Variants in SYNJ2 observed in about 807,000 individuals in gnomAD.
SYNJ2 encodes the protein polyphosphatidylinositol phosphatase SYNJ2.
Under a neutral mutation model 141.3 loss-of-function variants are expected in SYNJ2, and 116 were observed. The ratio of observed to expected loss-of-function variants is 0.82; its 90% confidence interval spans 0.71 to 0.96. The LOEUF (loss-of-function observed/expected upper bound fraction) is 0.96, where lower values mean the gene tolerates loss of function less well. SYNJ2 is among the 40% of genes least tolerant of loss of function. SYNJ2 has a pLI of 0.00. For synonymous variants in SYNJ2, 745 were observed against 777.7 expected, an observed-to-expected ratio of 0.96 and a Z score of 0.70; for missense variants, 1,873 against 1,934.8, an observed-to-expected ratio of 0.97 and a Z score of 0.60.
At chr6:158,029,992 C>G (rs1011331313) in intron 3 of SYNJ2, among the ~76,000 whole-genome samples, 1 of 152,000 alleles carries the variant, frequency 6.6e-6, no homozygotes, top group Non-Finnish European at 1.5e-5. Flanking sequence ...TAAACCAGTC[C>G]CATCAATGGG....
Position 157,982,176 on chromosome 6 carries a change from A to T in SYNJ2, c.127+88A>T. ...GGAAGACGGGTACCCCCCCTTCCCG[A>T]GGGGATCGGGCGGCGCTGGGACTGC... On this transcript the variant is annotated intron_variant, in intron 1 of 26. Transcript: ENST00000355585. This position sits in a 1 kb window ranked among gnomAD's most constrained non-coding sequence, Gnocchi z 4.0. 8.0e-7 allele frequency: 1 copy of T among 1,244,526 alleles called. No individual in the cohort carries two copies. The highest frequency in any genetic ancestry group is 1.0e-6 in the Non-Finnish European group (1 of 992,994). 77.1% of individuals were successfully genotyped at this position (1,244,526 alleles called of 1,614,324 possible). A position where few individuals can be genotyped will look rare whatever the true frequency, so the allele number is the denominator to read the frequency against.
intron 17 of SYNJ2, 51 bp from the exon 18 acceptor site, chr6:158,078,113 G>C (rs1387138212): frequency 8.2e-7 from 1 of 1,214,658 alleles, no homozygotes; most frequent in African/African-American, 1.5e-5. Context: ...CGCATTCTTG[G>C]ATATTGACTC....
intron 5 of SYNJ2, among the ~76,000 whole-genome samples, chr6:158,048,181 G>A (rs1780361189): frequency 6.6e-6 from 1 of 152,206 alleles, no homozygotes. Flanking sequence ...GGGCAGTGTT[G>A]TGTGGACAGA....
rs542134905 is a variant in SYNJ2, at chr6:157,997,090, C to T, written c.127+15002C>T. ...TCCTGACCTCTGTGGCTGGAATACCCTGCAGCCCCCACACACCAACTGTCT... is the reference window on the plus strand; with the variant it reads ...TCCTGACCTCTGTGGCTGGAATACCTTGCAGCCCCCACACACCAACTGTCT... On this transcript the variant is annotated intron_variant, in intron 1 of 26. Transcript: ENST00000355585. 8.1e-5 allele frequency among the ~76,000 whole-genome samples: 12 copies of T among 148,678 alleles called. No individual in the cohort carries two copies. The South Asian group carries it at 2.2e-3, about 28-fold the overall frequency.
intron 1 of SYNJ2, among the ~76,000 whole-genome samples, chr6:157,996,157 C>T (rs1323832774): frequency 6.6e-6 from 1 of 152,158 alleles, no homozygotes; most frequent in East Asian, 1.9e-4. Flanking sequence ...CTTCATTCTC[C>T]CATTTTGGTT....
chr6:158,066,348 A>G, intron 11 of SYNJ2, 96 bp from the exon 12 acceptor site: 1 of 1,409,630 alleles, frequency 7.1e-7, no homozygotes, highest in Non-Finnish European at 9.9e-7. Context: ...AGGCTCATGA[A>G]CCATCTGTCT....
At chr6:158,001,956 T>C (rs1777880106) in intron 1 of SYNJ2, among the ~76,000 whole-genome samples, 1 of 152,104 alleles carries the variant, frequency 6.6e-6, no homozygotes, top group African/African-American at 2.4e-5. Flanking sequence ...TGTGACGAGG[T>C]TGTCTACACA....
intron 24 of SYNJ2, 60 bp downstream of exon 24, chr6:158,088,832 C>T: frequency 8.3e-7 from 1 of 1,203,254 alleles, no homozygotes; most frequent in South Asian, 1.2e-5. Context: ...AGTGTGGGAT[C>T]TCTCTTCTCA....
rs140731520 is a variant in SYNJ2, at chr6:158,071,726, G to C, written c.2065G>C (p.Gly689Arg). The C allele has an allele frequency of 6.2e-7, 1 of 1,614,016 alleles. No homozygotes were observed. Among genetic ancestry groups the C allele is most frequent in the Non-Finnish European group, 8.5e-7 (1 of 1,180,024 alleles). The change falls in exon 15 of 27, where the codon GGG becomes CGG. Residue 689 changes from glycine (G) to arginine (R), a missense_variant. Transcript: ENST00000355585. The surrounding 1 kb of genome is among the most constrained non-coding windows in gnomAD (Gnocchi z 4.3). ...CTTCATATGTAGTCACCTGACGGCCGGGCAGTCCCAGGTGAAGGAGCGGAA... is the reference window on the plus strand; with the variant it reads ...CTTCATATGTAGTCACCTGACGGCCCGGCAGTCCCAGGTGAAGGAGCGGAA... ...FCFICSHLTA[G>R]QSQVKERNED...
chr6:158,021,222 T>G (rs1335167360), intron 2 of SYNJ2, among the ~76,000 whole-genome samples: 1 of 152,212 alleles, frequency 6.6e-6, no homozygotes, highest in African/African-American at 2.4e-5. Context: ...AGTTGTGCAG[T>G]ACGCAACCTG....
Position 158,076,790 on chromosome 6 carries a change from G to A in SYNJ2, c.2449+8G>A. On this transcript the variant is annotated splice_region_variant and intron_variant, in intron 17 of 26. Coordinates refer to ENST00000355585, the MANE Select transcript of SYNJ2 (RefSeq NM_003898.4). ...ATCCCTTTGATAAAACAGGTGAGGG[G>A]GCCGTGCCCGTTCGAGAGTCGGCAG... is the stretch of plus-strand genomic sequence containing the variant. 1.2e-6 allele frequency: 2 copies of A among 1,602,560 alleles called. No homozygotes were observed. Among genetic ancestry groups the A allele is most frequent in the Non-Finnish European group, 1.7e-6 (2 of 1,172,950 alleles).
chr6:158,012,591 C>T (rs546077970), intron 1 of SYNJ2, among the ~76,000 whole-genome samples: 45 of 152,358 alleles, frequency 3.0e-4, no homozygotes, highest in Non-Finnish European at 5.0e-4. Flanking sequence ...TTCCTTTCAG[C>T]TCAGCGAAAT....
chr6:157,995,396 C>T (rs1410169242), intron 1 of SYNJ2, among the ~76,000 whole-genome samples: 1 of 152,210 alleles, frequency 6.6e-6, no homozygotes, highest in Non-Finnish European at 1.5e-5. Context: ...CAAAGGAGCA[C>T]CTTGAAACTC....
At chr6:158,034,595 G>A (rs971728896) in intron 4 of SYNJ2, among the ~76,000 whole-genome samples, 4 of 152,214 alleles carry the variant, frequency 2.6e-5, no homozygotes, top group African/African-American at 7.2e-5. Flanking sequence ...CCCACTCAGA[G>A]GAACATCAGA....
chr6:158,043,189 C>A lies in SYNJ2; in HGVS notation c.712-127C>A. 1.3e-6 allele frequency: 1 copy of A among 742,290 alleles called. No homozygotes were observed. The highest frequency in any genetic ancestry group is 2.3e-6 in the Non-Finnish European group (1 of 440,404). The allele number at this position is 742,290 out of a possible 1,614,324, so 46.0% of individuals were successfully genotyped here. A position where few individuals can be genotyped will look rare whatever the true frequency, so the allele number is the denominator to read the frequency against. The stretch of plus-strand genomic sequence containing the variant: ...TGCCGGATGGGGGAGCAGAGGACGC[C>A]GGAGTCCACCGTCCGCCCTTCATTC... On this transcript the variant is annotated intron_variant, in intron 4 of 26. Transcript: ENST00000355585. The surrounding 1 kb of genome is among the most constrained non-coding windows in gnomAD (Gnocchi z 4.0).
At chr6:158,056,750 A>T (rs1035916384) in intron 6 of SYNJ2, among the ~76,000 whole-genome samples, 1 of 152,166 alleles carries the variant, frequency 6.6e-6, no homozygotes. Flanking sequence ...CGGTTCTCTG[A>T]TGGATTTGGT....
chr6:158,007,434 T>G (rs1778115215), intron 1 of SYNJ2, among the ~76,000 whole-genome samples: 1 of 152,214 alleles, frequency 6.6e-6, no homozygotes, highest in African/African-American at 2.4e-5. Context: ...AGACCTGTCC[T>G]CTCACTCTTT....
Position 158,064,962 on chromosome 6 carries a change from G to A in SYNJ2, c.1496G>A (p.Gly499Asp), listed in dbSNP as rs1373584681. The change falls in exon 11 of 27, where the codon GGC becomes GAC. Residue 499 changes from glycine (G) to aspartate (D), a missense_variant. Coordinates refer to ENST00000355585, the MANE Select transcript of SYNJ2 (RefSeq NM_003898.4). ...VYGEEVADKG[G>D]MLLDSTALLV... Reference sequence around the variant, plus strand: ...GGCGAGGAGGTGGCAGACAAAGGGGGCATGCTGCTGGACAGCACGGCGCTC... The same window carrying A: ...GGCGAGGAGGTGGCAGACAAAGGGGACATGCTGCTGGACAGCACGGCGCTC... The A allele has an allele frequency of 6.2e-6, 10 of 1,606,722 alleles. No individual in the cohort carries two copies. Among genetic ancestry groups the A allele is most frequent in the African/African-American group, 1.3e-5 (1 of 74,970 alleles).
intron 26 of SYNJ2, chr6:158,093,984 G>A: frequency 1.3e-6 from 1 of 765,310 alleles, no homozygotes; most frequent in South Asian, 1.3e-5. Flanking sequence ...ACTGGCATCT[G>A]TAGACACATC....
Sources: allele counts gnomAD v4.1 joint callset (sites outside exome capture counted in the v4.1 genomes callset), GRCh38; gene constraint gnomAD v4.1.1; non-coding constraint Gnocchi (gnomAD v3.1); transcripts MANE v1.5; gene names NCBI Gene and HGNC (gene_info 2026-07-23, HGNC 2026-07-21).